The following DDX51 variants were observed in gnomAD, a reference collection of about 807,000 sequenced individuals.
DDX51 encodes ATP-dependent RNA helicase DDX51.
Under a neutral mutation model 74.6 loss-of-function variants are expected in DDX51, and 67 were observed. The ratio of observed to expected loss-of-function variants is 0.90; its 90% confidence interval spans 0.74 to 1.10. The LOEUF is 1.10. DDX51 is among the 50% of genes least tolerant of loss of function. The pLI is 0.00. For synonymous variants in DDX51, 545 were observed against 402.9 expected, an observed-to-expected ratio of 1.35 and a Z score of -4.22; for missense variants, 1,056 against 905.2, an observed-to-expected ratio of 1.17 and a Z score of -2.14.
rs1897314926 is a variant in DDX51, at chr12:132,137,989, C to T, written c.*1283G>A. 1 of 152,280 alleles carries T rather than the reference C, an allele frequency of 6.6e-6. No individual in the cohort carries two copies. Among genetic ancestry groups the T allele is most frequent in the Non-Finnish European group, 1.5e-5 (1 of 68,074 alleles). The allele number at this position is 152,280 out of a possible 1,614,324, so 9.4% of individuals were successfully genotyped here. A position where few individuals can be genotyped will look rare whatever the true frequency, so the allele number is the denominator to read the frequency against. On this transcript the variant is annotated 3_prime_UTR_variant, in exon 15 of 15. Transcript: ENST00000397333. ...GTTAGCGTCAGGTTCCGGGTTCATC[C>T]ACGGGGTGCCTATGCTGGTGCCTCA...
In DDX51 at chr12:132,142,365, C is replaced by G. The variant is rs774031181; in HGVS notation, c.728G>C (p.Gly243Ala). ...GTCGCTAGGCCGGTAGCCACCTCTGCCCACCAGAAACCCACAGGCTGCGCT... is the reference window on the plus strand; with the variant it reads ...GTCGCTAGGCCGGTAGCCACCTCTGGCCACCAGAAACCCACAGGCTGCGCT... ...LESAACGFLV[G>A]RGGYRPSDLC... The change falls in exon 4 of 15, where the codon GGC becomes GCC. Residue 243 changes from glycine (G) to alanine (A), a missense_variant. Coordinates refer to ENST00000397333, the MANE Select transcript of DDX51 (RefSeq NM_175066.4). The G allele has an allele frequency of 8.1e-6, 13 of 1,612,890 alleles. No homozygotes were observed. The South Asian group carries it at 1.4e-4, about 18-fold the overall frequency.
At position 132,138,787 on chromosome 12, in the gene DDX51, T is replaced by C. The variant is rs1304323057; in HGVS notation, c.*485A>G. 2 of 154,306 alleles carry C rather than the reference T, an allele frequency of 1.3e-5. No homozygotes were observed. Among genetic ancestry groups the C allele is most frequent in the Non-Finnish European group, 2.9e-5 (2 of 69,762 alleles). 9.6% of individuals were successfully genotyped at this position (154,306 alleles called of 1,614,324 possible). A position where few individuals can be genotyped will look rare whatever the true frequency, so the allele number is the denominator to read the frequency against. On this transcript the variant is annotated 3_prime_UTR_variant, in exon 15 of 15. Coordinates refer to ENST00000397333, the MANE Select transcript of DDX51 (RefSeq NM_175066.4). Reference sequence around the variant, plus strand: ...GCATGCACCACCACGCCTGGCTAATTTTGTATTTTTAGTAGAGACAGGGTT... The same window carrying C: ...GCATGCACCACCACGCCTGGCTAATCTTGTATTTTTAGTAGAGACAGGGTT...
Position 132,140,216 on chromosome 12 carries a change from C to T in DDX51, c.1674-17G>A, listed in dbSNP as rs1416402635. Reference sequence around the variant, plus strand: ...CTGATGAGCCTGCCGGGACACGCAGCATTGTGGGCCCGACGTGCCAGGAGC... The same window carrying T: ...CTGATGAGCCTGCCGGGACACGCAGTATTGTGGGCCCGACGTGCCAGGAGC... On this transcript the variant is annotated splice_polypyrimidine_tract_variant and intron_variant, in intron 11 of 14. Coordinates refer to ENST00000397333, the MANE Select transcript of DDX51 (RefSeq NM_175066.4). The T allele has an allele frequency of 6.2e-7, 1 of 1,607,504 alleles. No individual in the cohort carries two copies. Among genetic ancestry groups the T allele is most frequent in the Admixed American group, 1.7e-5 (1 of 59,708 alleles).
chr12:132,139,416 G>A, intron 14 of DDX51, 118 bp from the exon 15 acceptor site: 2 of 1,539,006 alleles, frequency 1.3e-6, no homozygotes, highest in Non-Finnish European at 1.8e-6. Flanking sequence ...CAGAAACCAG[G>A]CCCTGGCCCC....
chr12:132,143,783 G>T lies in DDX51; in HGVS notation c.431C>A (p.Ala144Asp). 5 of 1,520,268 alleles carry T rather than the reference G, an allele frequency of 3.3e-6. No homozygotes were observed. The highest frequency in any genetic ancestry group is 4.4e-6 in the Non-Finnish European group (5 of 1,138,994). 94.2% of individuals were successfully genotyped at this position (1,520,268 alleles called of 1,614,324 possible). The change falls in exon 2 of 15, where the codon GCC becomes GAC. Residue 144 changes from alanine (A) to aspartate (D), a missense_variant. Physicochemically the swap from Ala to Asp is moderately radical, Grantham distance 126. Coordinates refer to ENST00000397333, the MANE Select transcript of DDX51 (RefSeq NM_175066.4). Reference protein sequence around the residue: ...ERSTSASAEAAPDGPALEEAA... With the variant: ...ERSTSASAEADPDGPALEEAA... ...CTCCTCCAGGGCCGGTCCATCTGGG[G>T]CCGCCTCGGCGCTGGCGCTGGTGCT...
At position 132,137,509 on chromosome 12, in the gene DDX51, T is replaced by G. The variant is rs1897295444; in HGVS notation, c.*1763A>C. 1 of 152,274 alleles carries G rather than the reference T, an allele frequency of 6.6e-6. No homozygotes were observed. The highest frequency in any genetic ancestry group is 1.5e-5 in the Non-Finnish European group (1 of 68,050). 9.4% of individuals were successfully genotyped at this position (152,274 alleles called of 1,614,324 possible). A position where few individuals can be genotyped will look rare whatever the true frequency, so the allele number is the denominator to read the frequency against. ...GTAACAGTCGCCTTTTGTGTTCTGC[T>G]GGCATTTGTTTGAACACAGTCCACA... On this transcript the variant is annotated 3_prime_UTR_variant, in exon 15 of 15. Coordinates refer to ENST00000397333, the MANE Select transcript of DDX51 (RefSeq NM_175066.4).
chr12:132,139,825 C>G (rs1298120215), intron 13 of DDX51, 36 bp downstream of exon 13: 2 of 1,612,786 alleles, frequency 1.2e-6, no homozygotes, highest in Non-Finnish European at 1.7e-6. Context: ...TAACACCCAC[C>G]AACAGCAGAA....
chr12:132,139,335 CTG>C (rs776128210), intron 14 of DDX51, 37 bp from the exon 15 acceptor site: 497 of 1,602,032 alleles, frequency 3.1e-4, no homozygotes, highest in Non-Finnish European at 2.6e-4. Flanking sequence ...ACCACACACT[CTG>C]TCCCCTCATC....
chr12:132,141,893 G>A lies in DDX51; in HGVS notation c.952C>T (p.Gln318Ter), dbSNP rs745332854. 6 of 1,613,216 alleles carry A rather than the reference G, an allele frequency of 3.7e-6. No individual in the cohort carries two copies. Among genetic ancestry groups the A allele is most frequent in the East Asian group, 4.5e-5 (2 of 44,892 alleles). ...TCCTGCTCCTTGGCCAGAGACTTCT[G>A]TCCCGTAACCAGGGAGACTCTCAGA... ...TPLRVSLVTG[Q>*]KSLAKEQESL... The change falls in exon 6 of 15, where the codon CAG becomes TAG. Residue 318 changes from glutamine (Q) to a stop codon, truncating the protein, a stop_gained. Transcript: ENST00000397333. LOFTEE classifies it high-confidence loss of function.
rs769585293 is a variant in DDX51, at chr12:132,142,731, G to T, written c.667C>A (p.Pro223Thr). 2.5e-6 allele frequency: 4 copies of T among 1,612,572 alleles called. No homozygotes were observed. Among genetic ancestry groups the T allele is most frequent in the Admixed American group, 3.3e-5 (2 of 60,006 alleles). The change falls in exon 3 of 15, where the codon CCA becomes ACA. Residue 223 changes from proline (P) to threonine (T), a missense_variant. Pro to Thr is a conservative substitution (Grantham distance 38). Transcript: ENST00000397333. ...LRAHGISSYF[P>T]VQAAVIPALL... is the part of the protein sequence containing the mutation. ...TGCCTGCCCGGGGCTGGGGCACCTGGAAAGTAGGACGAGATGCCGTGTGCC... is the reference window on the plus strand; with the variant it reads ...TGCCTGCCCGGGGCTGGGGCACCTGTAAAGTAGGACGAGATGCCGTGTGCC...
In DDX51 at chr12:132,139,695, C is replaced by G; in HGVS notation, c.1914G>C (p.Leu638=). ...CGTACCGAGGAACCAGCGGCTGCAG[C>G]AGCTTGCTGGAGAGCTCGTGCCGCT... ...ELQRHELSSK[L]LQPLVPRYEE... is the part of the protein sequence containing the mutation. Residue 638 remains leucine (L), a synonymous_variant, in exon 14 of 15, where the codon CTG becomes CTC. Transcript: ENST00000397333. 1 of 1,613,018 alleles carries G rather than the reference C, an allele frequency of 6.2e-7. No individual in the cohort carries two copies. The highest frequency in any genetic ancestry group is 1.1e-5 in the South Asian group (1 of 91,092).
Position 132,141,018 on chromosome 12 carries a change from G to A in DDX51, c.1253C>T (p.Thr418Ile), listed in dbSNP as rs1399364608. ...CTGCAGGGGCATCTGGGGACAGCAGGTGCTGGAAGAGAAGGGGGTGTTGCT... is the reference window on the plus strand; with the variant it reads ...CTGCAGGGGCATCTGGGGACAGCAGATGCTGGAAGAGAAGGGGGTGTTGCT... ...RQAQAVTAAS[T>I]CCPQMPLQKL... Residue 418 changes from threonine (T) to isoleucine (I), a missense_variant and splice_region_variant, in exon 9 of 15, where the codon ACC (threonine) becomes ATC (isoleucine). Thr to Ile is a moderately conservative substitution (Grantham distance 89). Transcript: ENST00000397333. 1.3e-6 allele frequency: 2 copies of A among 1,589,572 alleles called. No individual in the cohort carries two copies. The highest frequency in any genetic ancestry group is 8.5e-7 in the Non-Finnish European group (1 of 1,170,988).
Position 132,140,502 on chromosome 12 carries a change from C to G in DDX51, c.1594G>C (p.Val532Leu), listed in dbSNP as rs370925243. 1.2e-6 allele frequency: 2 copies of G among 1,613,026 alleles called. No homozygotes were observed. Among genetic ancestry groups the G allele is most frequent in the African/African-American group, 1.3e-5 (1 of 74,930 alleles). Residue 532 changes from valine to leucine, a missense_variant, in exon 11 of 15, where the codon GTG (valine) becomes CTG (leucine). Transcript: ENST00000397333. ...LLVQAFGGVD[V>L]AEFSSRYGPG... ...CCGTAGCGCGAGGAGAACTCAGCCA[C>G]GTCCACACCCCCAAAAGCTTGCACC... is the stretch of plus-strand genomic sequence containing the variant.
At chr12:132,140,343 C>A in intron 11 of DDX51, 80 bp downstream of exon 11, 1 of 1,577,778 alleles carries the variant, frequency 6.3e-7, no homozygotes, top group Non-Finnish European at 8.7e-7. Flanking sequence ...CAGAAGGAAG[C>A]ACCTTTTAGA....
intron 11 of DDX51, 56 bp from the exon 12 acceptor site, chr12:132,140,255 G>A (rs979733134): frequency 5.7e-6 from 9 of 1,585,258 alleles, no homozygotes; most frequent in Admixed American, 3.4e-5. Context: ...GGCCGTGGCA[G>A]CACCGGCCCT....
At chr12:132,143,068 C>T (rs2136679785) in intron 2 of DDX51, 190 bp from the exon 3 acceptor site, 1 of 686,030 alleles carries the variant, frequency 1.5e-6, no homozygotes, top group Non-Finnish European at 2.4e-6. Flanking sequence ...ACTCCCTGAG[C>T]AAACTCACTC....
In DDX51 at chr12:132,141,429, G is replaced by A. The variant is rs1897457231; in HGVS notation, c.1105-9C>T. On this transcript the variant is annotated splice_polypyrimidine_tract_variant and intron_variant, in intron 7 of 14. Transcript: ENST00000397333. The stretch of plus-strand genomic sequence containing the variant: ...TCAGCCTCGTCGATAATCTGCAGGA[G>A]ACAGGGAGCCCGGGACTGGGTGGCG... The A allele has an allele frequency of 1.3e-6, 2 of 1,588,038 alleles. No homozygotes were observed. The highest frequency in any genetic ancestry group is 1.3e-5 in the African/African-American group (1 of 74,828).
In DDX51 at chr12:132,144,239, G is replaced by A. The variant is rs988167066; in HGVS notation, c.58C>T (p.Pro20Ser). 7.2e-5 allele frequency: 88 copies of A among 1,229,890 alleles called. No homozygotes were observed. The highest frequency in any genetic ancestry group is 2.9e-4 in the South Asian group (8 of 27,640). 76.2% of individuals were successfully genotyped at this position (1,229,890 alleles called of 1,614,324 possible). The change falls in exon 1 of 15, where the codon CCG becomes TCG. Residue 20 changes from proline to serine, a missense_variant. Physicochemically the swap from Pro to Ser is moderately conservative, Grantham distance 74. Transcript: ENST00000397333. ...TGCGCCCCGGCCTCCGCGCCCTCCGGCCCCGCCGCAGCTGCCGCATCGGGG... is the reference window on the plus strand; with the variant it reads ...TGCGCCCCGGCCTCCGCGCCCTCCGACCCCGCCGCAGCTGCCGCATCGGGG... ...PGPDAAAAAG[P>S]EGAEAGAHGR...
At position 132,143,790 on chromosome 12, in the gene DDX51, CGGCGCT is replaced by C. The variant is rs771980193; in HGVS notation, c.418_423del (p.Ser140_Ala141del). On this transcript the variant is annotated inframe_deletion, in exon 2 of 15. Coordinates refer to ENST00000397333, the MANE Select transcript of DDX51 (RefSeq NM_175066.4). Reference sequence around the variant, plus strand: ...AGGGCCGGTCCATCTGGGGCCGCCTCGGCGCTGGCGCTGGTGCTGCGCTCCCCCGGC... The same window carrying C: ...AGGGCCGGTCCATCTGGGGCCGCCTCGGCGCTGGTGCTGCGCTCCCCCGGC... The C allele has an allele frequency of 1.3e-6, 2 of 1,519,646 alleles. No homozygotes were observed. Among genetic ancestry groups the C allele is most frequent in the South Asian group, 2.4e-5 (2 of 82,222 alleles). 94.1% of individuals were successfully genotyped at this position (1,519,646 alleles called of 1,614,324 possible). A position where few individuals can be genotyped will look rare whatever the true frequency, so the allele number is the denominator to read the frequency against.
Sources: allele counts gnomAD v4.1 joint callset, GRCh38; gene constraint gnomAD v4.1.1; transcripts MANE v1.5; gene names NCBI Gene and HGNC (gene_info 2026-07-23, HGNC 2026-07-21).